The following PRORP variants were observed in gnomAD, a reference collection of about 807,000 sequenced individuals.
PRORP encodes the protein protein only RNase P catalytic subunit.
Under a neutral mutation model 59.4 loss-of-function variants are expected in PRORP, and 51 were observed. The observed-to-expected ratio is 0.86, with a 90% CI of 0.69 to 1.08. The LOEUF (loss-of-function observed/expected upper bound fraction) is 1.08, where lower values mean the gene tolerates loss of function less well. Ranked by LOEUF, PRORP falls within the 50% of genes least tolerant of loss-of-function variation. The pLI is 0.00. For synonymous variants in PRORP, 231 were observed against 245.6 expected (o/e 0.94, Z 0.55); for missense variants, 646 against 690.3 (o/e 0.94, Z 0.72).
chr14:35,123,474 C>T lies in PRORP; in HGVS notation c.229C>T (p.Gln77Ter). 1.2e-6 allele frequency: 2 copies of T among 1,614,146 alleles called. No homozygotes were observed. The highest frequency in any genetic ancestry group is 1.1e-5 in the South Asian group (1 of 91,090). The change falls in exon 2 of 8, where the codon CAA becomes TAA. Residue 77 changes from glutamine (Q) to a stop codon, truncating the protein, a stop_gained. Transcript: ENST00000534898. LOFTEE classifies it high-confidence loss of function. ...CAGGAAAGATGAGGGCAGTAATAAG[C>T]AAGTTTATTCTGTTCCTCATTTTTT... The part of the protein sequence containing the change: ...YLRKDEGSNK[Q>*]VYSVPHFFLA...
chr14:35,139,730 G>T (rs1595175233), intron 4 of PRORP, among the ~76,000 whole-genome samples: 1 of 145,658 alleles, frequency 6.9e-6, no homozygotes, highest in East Asian at 2.3e-4. Context: ...TGTTTCCTAG[G>T]GCTGCCCTAA....
chr14:35,135,328 G>A (rs1425173237), intron 4 of PRORP, among the ~76,000 whole-genome samples: 3 of 152,002 alleles, frequency 2.0e-5, no homozygotes, highest in Non-Finnish European at 4.4e-5. Context: ...TGGTGTCCTT[G>A]CAAGTGGACG....
chr14:35,132,960 T>C (rs540069156), intron 4 of PRORP, among the ~76,000 whole-genome samples: 2 of 152,220 alleles, frequency 1.3e-5, no homozygotes, highest in Admixed American at 6.5e-5. Flanking sequence ...GTTGTTCTGT[T>C]GCCCAGGCTG....
At chr14:35,130,983 GC>G (rs1317361314) in intron 4 of PRORP, among the ~76,000 whole-genome samples, 2 of 150,882 alleles carry the variant, frequency 1.3e-5, no homozygotes, top group Non-Finnish European at 2.9e-5. Context: ...TCACTCTGTC[GC>G]CCAGGCTGGA....
chr14:35,192,710 C>T (rs747104421), intron 5 of PRORP, among the ~76,000 whole-genome samples: 4 of 152,010 alleles, frequency 2.6e-5, no homozygotes, highest in Admixed American at 6.6e-5. Context: ...AAGGAGGGGC[C>T]GGGCATGGTG....
At chr14:35,155,666 A>G (rs1008896213) in intron 4 of PRORP, among the ~76,000 whole-genome samples, 8 of 151,722 alleles carry the variant, frequency 5.3e-5, no homozygotes, top group Admixed American at 1.3e-4. Context: ...ATTTTCATGC[A>G]GAAGCAACAT....
At chr14:35,132,657 C>T (rs571588824) in intron 4 of PRORP, among the ~76,000 whole-genome samples, 4 of 151,334 alleles carry the variant, frequency 2.6e-5, no homozygotes, top group South Asian at 4.2e-4. Context: ...AATGGTGGTG[C>T]GTGCCTGTAA....
chr14:35,229,964 TA>T (rs2050031165), intron 5 of PRORP, among the ~76,000 whole-genome samples: 6 of 152,080 alleles, frequency 3.9e-5, no homozygotes, highest in Non-Finnish European at 8.8e-5. Flanking sequence ...TGATTACATA[TA>T]TGATAGGATC....
intron 5 of PRORP, among the ~76,000 whole-genome samples, chr14:35,237,299 C>A (rs1309444662): frequency 1.3e-5 from 2 of 151,980 alleles, no homozygotes; most frequent in African/African-American, 4.8e-5. Context: ...CCCTATGTTG[C>A]CCAGGCGGAT....
At position 35,123,791 on chromosome 14, in the gene PRORP, G is replaced by A; in HGVS notation, c.546G>A (p.Leu182=). 1 of 1,614,124 alleles carries A rather than the reference G, an allele frequency of 6.2e-7. No homozygotes were observed. The highest frequency in any genetic ancestry group is 1.1e-5 in the South Asian group (1 of 91,086). ...IVSYDLLVKY[L]YLCVFHMQTS... Reference sequence around the variant, plus strand: ...GTTACGATTTACTGGTCAAGTATTTGTATCTCTGTGTCTTTCATATGCAGA... The same window carrying A: ...GTTACGATTTACTGGTCAAGTATTTATATCTCTGTGTCTTTCATATGCAGA... Residue 182 remains leucine (L), a synonymous_variant, in exon 2 of 8, where the codon TTG becomes TTA. Transcript: ENST00000534898.
chr14:35,189,891 A>G (rs147194069), intron 5 of PRORP, among the ~76,000 whole-genome samples: 173 of 151,866 alleles, frequency 1.1e-3, no homozygotes, highest in Admixed American at 3.7e-3. Context: ...CGGGTGGATC[A>G]AGAGGTGAGA....
chr14:35,129,960 T>G (rs2047195612), intron 4 of PRORP, among the ~76,000 whole-genome samples: 1 of 152,210 alleles, frequency 6.6e-6, no homozygotes, highest in Non-Finnish European at 1.5e-5. Flanking sequence ...TATTTATATC[T>G]TACTGTACTA....
intron 5 of PRORP, among the ~76,000 whole-genome samples, chr14:35,204,908 A>G (rs149812311): frequency 5.9e-5 from 9 of 152,292 alleles, no homozygotes; most frequent in African/African-American, 2.2e-4. Flanking sequence ...TGTACCAGCA[A>G]CTGTTTTGAG....
At chr14:35,207,486 T>A (rs2049323890) in intron 5 of PRORP, among the ~76,000 whole-genome samples, 2 of 152,294 alleles carry the variant, frequency 1.3e-5, no homozygotes, top group East Asian at 3.9e-4. Context: ...CTGTAACAGG[T>A]CTTCTAACCC....
intron 6 of PRORP, 147 bp downstream of exon 6, chr14:35,267,022 C>T: frequency 5.2e-6 from 4 of 774,680 alleles, no homozygotes; most frequent in Non-Finnish European, 5.7e-6. Context: ...AGACAACTTA[C>T]AAAACTACGG....
At chr14:35,140,053 C>G (rs1013618348) in intron 4 of PRORP, among the ~76,000 whole-genome samples, 2 of 145,744 alleles carry the variant, frequency 1.4e-5, no homozygotes, top group East Asian at 4.6e-4. Flanking sequence ...CCTAATCTAG[C>G]ATGACCTTGT....
rs946375559 is a variant in PRORP, at chr14:35,150,786, T to C, written c.1167+23175T>C. 2.6e-5 allele frequency among the ~76,000 whole-genome samples: 4 copies of C among 152,216 alleles called. No homozygotes were observed. In the East Asian group the frequency reaches 7.7e-4, roughly 29 times the overall value. On this transcript the variant is annotated intron_variant, in intron 4 of 7. Transcript: ENST00000534898. The stretch of plus-strand genomic sequence containing the variant: ...TTAGAGTTGGGTTGGTGATTTTTCA[T>C]AGAGAACGTTTTGAGGGGCTGATCT...
chr14:35,184,215 T>C (rs1411441812), intron 5 of PRORP, among the ~76,000 whole-genome samples: 1 of 152,188 alleles, frequency 6.6e-6, no homozygotes, highest in East Asian at 1.9e-4. Flanking sequence ...TTATCACATA[T>C]CTTGATCTCA....
chr14:35,124,345 G>A, intron 2 of PRORP, 114 bp downstream of exon 2: 1 of 612,492 alleles, frequency 1.6e-6, no homozygotes. Context: ...ATAGCTCACT[G>A]TAACCTCAAA....
Sources: gnomAD v4.1 joint callset for allele counts (sites outside exome capture counted in the v4.1 genomes callset) on GRCh38, gnomAD v4.1.1 for gene constraint, MANE v1.5 for transcripts, NCBI Gene and HGNC (gene_info 2026-07-23, HGNC 2026-07-21) for gene names.